The following STX8 variants were observed in gnomAD, a reference collection of about 807,000 sequenced individuals.
The protein encoded by STX8 is syntaxin 8, also known as syntaxin-8.
In STX8, 23 loss-of-function variants were observed where a neutral mutation model predicts 37.5. That is an observed-to-expected ratio of 0.61 (90% CI 0.44 to 0.87). STX8 has a LOEUF of 0.87. Ranked by LOEUF, STX8 falls within the 40% of genes least tolerant of loss-of-function variation. The pLI is 0.00. For missense variants in STX8, 313 were observed against 284.7 expected (o/e 1.10, Z -0.71); for synonymous variants, 115 against 99.1 (o/e 1.16, Z -0.95).
At chr17:9,289,154 TC>T (rs1302498768) in intron 7 of STX8, among the ~76,000 whole-genome samples, 1 of 152,202 alleles carries the variant, frequency 6.6e-6, no homozygotes, top group Non-Finnish European at 1.5e-5. Flanking sequence ...GCAAATTGTT[TC>T]CGGCCTAAAA....
chr17:9,402,340 C>T (rs772858921), intron 6 of STX8, among the ~76,000 whole-genome samples: 7 of 152,086 alleles, frequency 4.6e-5, no homozygotes, highest in East Asian at 1.9e-4. Flanking sequence ...AGGCTGATCT[C>T]GAACTCCTGA....
At chr17:9,529,580 T>C (rs377018120) in intron 4 of STX8, among the ~76,000 whole-genome samples, 1 of 152,082 alleles carries the variant, frequency 6.6e-6, no homozygotes, top group Non-Finnish European at 1.5e-5. Context: ...AGTCACTACT[T>C]CCCCCAAAGG....
At chr17:9,262,676 G>C (rs1907086645) in intron 7 of STX8, among the ~76,000 whole-genome samples, 1 of 151,958 alleles carries the variant, frequency 6.6e-6, no homozygotes. Context: ...CCGCCTCCCA[G>C]GTTCAAGCAA....
At chr17:9,490,865 G>A (rs1162382828) in intron 6 of STX8, among the ~76,000 whole-genome samples, 2 of 152,288 alleles carry the variant, frequency 1.3e-5, no homozygotes, top group African/African-American at 2.4e-5. Context: ...GTGGTCTCAG[G>A]GGGCCCTGCA....
At chr17:9,470,902 AT>A (rs34845144) in intron 6 of STX8, among the ~76,000 whole-genome samples, 127,347 of 147,044 alleles carry the variant, frequency 0.87, 55,042 homozygotes, top group East Asian at 0.99. Context: ...AATTTTTTGT[AT>A]TTTTTTTTTT....
chr17:9,352,904 ACT>A lies in STX8; in HGVS notation c.643+25646_643+25647del, dbSNP rs1491108668. Among the ~76,000 whole-genome samples the A allele has an allele frequency of 7.7e-5, 11 of 142,934 alleles. No individual in the cohort carries two copies. In the East Asian group the frequency reaches 2.1e-3, roughly 27 times the overall value. The allele number at this position is 142,934 out of a possible 152,430, so 93.8% of individuals were successfully genotyped here. A position where few individuals can be genotyped will look rare whatever the true frequency, so the allele number is the denominator to read the frequency against. ...CAATTGCCTCCATTTTTTTTTTCAG[ACT>A]CTTTTTTCAGGGTCTTACTCTGTTG... is the stretch of plus-strand genomic sequence containing the variant. On this transcript the variant is annotated intron_variant, in intron 7 of 7. Coordinates refer to ENST00000306357, the MANE Select transcript of STX8 (RefSeq NM_004853.3).
At chr17:9,282,616 G>A (rs1907928357) in intron 7 of STX8, among the ~76,000 whole-genome samples, 1 of 152,172 alleles carries the variant, frequency 6.6e-6, no homozygotes, top group Non-Finnish European at 1.5e-5. Context: ...GTCTCCAGGT[G>A]TCCGTTTTCT....
intron 7 of STX8, among the ~76,000 whole-genome samples, chr17:9,269,248 C>T (rs1254998432): frequency 6.6e-6 from 1 of 151,622 alleles, no homozygotes; most frequent in Non-Finnish European, 1.5e-5. Flanking sequence ...AGTGGAAAGA[C>T]TGGGAAATGA....
intron 6 of STX8, among the ~76,000 whole-genome samples, chr17:9,380,442 C>G (rs967132208): frequency 2.6e-5 from 4 of 151,652 alleles, no homozygotes; most frequent in Admixed American, 2.6e-4. Flanking sequence ...TTTGTAGAGA[C>G]CAGGCCCTGC....
At chr17:9,460,637 C>A (rs1193136783) in intron 6 of STX8, among the ~76,000 whole-genome samples, 1 of 143,704 alleles carries the variant, frequency 7.0e-6, no homozygotes, top group African/African-American at 2.6e-5. Context: ...CGTGCCACTG[C>A]ACTCCAGCCT....
chr17:9,564,163 C>A (rs1907363125), intron 2 of STX8, among the ~76,000 whole-genome samples: 1 of 152,078 alleles, frequency 6.6e-6, no homozygotes, highest in Non-Finnish European at 1.5e-5. Context: ...TGGCAGCATT[C>A]CACTTGAAAA....
chr17:9,380,004 ATTTCTTT>A (rs1460619032), intron 6 of STX8, among the ~76,000 whole-genome samples: 2 of 151,830 alleles, frequency 1.3e-5, no homozygotes, highest in Non-Finnish European at 2.9e-5. Context: ...TGTGAAATTC[ATTTCTTT>A]TTTAATTCTA....
intron 2 of STX8, among the ~76,000 whole-genome samples, chr17:9,559,787 G>C (rs1231907979): frequency 3.7e-5 from 1 of 27,050 alleles, no homozygotes; most frequent in Non-Finnish European, 6.9e-5. Flanking sequence ...TTTTGAGACA[G>C]AGTCTTGCTC....
chr17:9,518,602 C>G (rs985618260), intron 4 of STX8, among the ~76,000 whole-genome samples: 1 of 152,324 alleles, frequency 6.6e-6, no homozygotes, highest in African/African-American at 2.4e-5. Flanking sequence ...GGCGTGGTGG[C>G]TCATGCCTGT....
intron 6 of STX8, among the ~76,000 whole-genome samples, chr17:9,417,709 A>T (rs1363792958): frequency 6.6e-6 from 1 of 152,130 alleles, no homozygotes; most frequent in Admixed American, 6.5e-5. Flanking sequence ...CCCAAACCCA[A>T]CCTCTGAGGT....
intron 4 of STX8, among the ~76,000 whole-genome samples, chr17:9,536,037 T>A (rs1906037479): frequency 3.3e-5 from 5 of 152,150 alleles, no homozygotes; most frequent in African/African-American, 9.7e-5. Flanking sequence ...TATATTCCTA[T>A]TTGCTGGTAT....
rs115339006 is a variant in STX8, at chr17:9,346,152, G to A, written c.643+32400C>T. On this transcript the variant is annotated intron_variant, in intron 7 of 7. Transcript: ENST00000306357. The stretch of plus-strand genomic sequence containing the variant: ...CAGGCGTGAGCCACCACGCCCGGCC[G>A]GCCCCTGACTATTAAGACCAGGAAG... Among the ~76,000 whole-genome samples the A allele has an allele frequency of 6.9e-3, 1,054 of 152,002 alleles. 11 individuals carry two copies. Among genetic ancestry groups the A allele is most frequent in the African/African-American group, 0.024 (1,012 of 41,488 alleles).
chr17:9,537,228 G>A (rs759189271), intron 4 of STX8, among the ~76,000 whole-genome samples: 1 of 152,244 alleles, frequency 6.6e-6, no homozygotes, highest in Non-Finnish European at 1.5e-5. Context: ...AGACAAAGCT[G>A]CATGCTTCAC....
chr17:9,308,402 G>C (rs978410270), intron 7 of STX8, among the ~76,000 whole-genome samples: 3 of 152,202 alleles, frequency 2.0e-5, no homozygotes, highest in Admixed American at 6.5e-5. Context: ...GAGGGAGAAA[G>C]GTTCTAGTTC....
Sources: gnomAD v4.1 joint callset for allele counts (sites outside exome capture counted in the v4.1 genomes callset) on GRCh38, gnomAD v4.1.1 for gene constraint, MANE v1.5 for transcripts, NCBI Gene and HGNC (gene_info 2026-07-23, HGNC 2026-07-21) for gene names.